Variants in GRIA2 observed in about 807,000 individuals in gnomAD.
GRIA2 encodes glutamate ionotropic receptor AMPA type subunit 2, also known as glutamate receptor 2.
GRIA2 carries 14 observed loss-of-function variants against 97.3 expected under a neutral mutation model. That is an observed-to-expected ratio of 0.14 (90% confidence interval 0.10 to 0.23). The LOEUF (loss-of-function observed/expected upper bound fraction) is 0.23. Among genes scored for constraint, GRIA2 ranks in the 10% least tolerant of loss-of-function variants. The probability of loss-of-function intolerance (pLI) is 1.00; values close to 1 mark genes in which losing one functional copy is unlikely to be tolerated. For missense variants in GRIA2, 558 were observed against 1,069.8 expected (o/e 0.52, Z 6.67); for synonymous variants, 412 against 387.8 (o/e 1.06, Z -0.73).
intron 3 of GRIA2, among the ~76,000 whole-genome samples, chr4:157,309,006 A>G (rs1733957919): frequency 6.6e-6 from 1 of 152,184 alleles, no homozygotes; most frequent in African/African-American, 2.4e-5. Context: ...AGTTACTATT[A>G]CTGAAAAAAA....
intron 2 of GRIA2, chr4:157,249,641 ATAG>A (rs773333398): frequency 2.0e-5 from 3 of 152,152 alleles, no homozygotes; most frequent in Non-Finnish European, 4.4e-5. Context: ...TCACTGAATG[ATAG>A]TAGTCTCGTT....
intron 8 of GRIA2, 119 bp downstream of exon 8, chr4:157,333,472 G>C: frequency 2.2e-6 from 1 of 455,642 alleles, no homozygotes. Context: ...ACGACTTCCA[G>C]AAACAGATAT....
intron 2 of GRIA2, among the ~76,000 whole-genome samples, chr4:157,269,411 G>C (rs2126786400): frequency 6.6e-6 from 1 of 152,154 alleles, no homozygotes; most frequent in South Asian, 2.1e-4. Context: ...GAGTGTTAGA[G>C]CTTAATAAAA....
intron 2 of GRIA2, among the ~76,000 whole-genome samples, chr4:157,301,135 C>T (rs1199371093): frequency 6.6e-6 from 1 of 152,126 alleles, no homozygotes; most frequent in Non-Finnish European, 1.5e-5. Context: ...AATTTTATAG[C>T]AAGTCTTTCT....
chr4:157,349,166 A>G (rs188246284), intron 12 of GRIA2, among the ~76,000 whole-genome samples: 1 of 152,270 alleles, frequency 6.6e-6, no homozygotes, highest in Admixed American at 6.5e-5. Flanking sequence ...GCTTAGTAAT[A>G]TGATATTTGA....
chr4:157,351,049 A>C (rs894461682), intron 12 of GRIA2, among the ~76,000 whole-genome samples: 1 of 151,746 alleles, frequency 6.6e-6, no homozygotes, highest in African/African-American at 2.4e-5. Context: ...CTTCATCCAA[A>C]TTGTTGACTG....
At position 157,300,555 on chromosome 4, in the gene GRIA2, C is replaced by A. The variant is rs1057360657; in HGVS notation, c.230-2997C>A. On this transcript the variant is annotated intron_variant, in intron 2 of 15. Transcript: ENST00000264426. ...GCACTGTTGGCCGAATGGCTGTTAA[C>A]TGTATGCATAGTCAGGGGACATAAG... 2.6e-5 allele frequency among the ~76,000 whole-genome samples: 4 copies of A among 151,898 alleles called. No homozygotes were observed. The East Asian group carries it at 7.7e-4, about 29-fold the overall frequency.
chr4:157,338,744 T>C (rs1735416273), intron 11 of GRIA2, among the ~76,000 whole-genome samples: 1 of 152,106 alleles, frequency 6.6e-6, no homozygotes, highest in African/African-American at 2.4e-5. Flanking sequence ...ATTTATTTTA[T>C]TAAAACATTT....
At chr4:157,343,057 G>A (rs534940541) in intron 12 of GRIA2, among the ~76,000 whole-genome samples, 2 of 152,186 alleles carry the variant, frequency 1.3e-5, no homozygotes, top group South Asian at 2.1e-4. Context: ...AAGAAAGCTA[G>A]TTGAGTTTGG....
At chr4:157,292,876 C>T (rs756556414) in intron 2 of GRIA2, among the ~76,000 whole-genome samples, 2 of 151,910 alleles carry the variant, frequency 1.3e-5, no homozygotes, top group Admixed American at 1.3e-4. Flanking sequence ...TTTTTAATGT[C>T]TAAAATATGG....
chr4:157,264,132 G>A (rs1018351103), intron 2 of GRIA2, among the ~76,000 whole-genome samples: 2 of 152,056 alleles, frequency 1.3e-5, no homozygotes, highest in Non-Finnish European at 2.9e-5. Context: ...AGGTTTATAA[G>A]TTCACCACAT....
chr4:157,275,275 G>T (rs1168826838), intron 2 of GRIA2, among the ~76,000 whole-genome samples: 1 of 152,148 alleles, frequency 6.6e-6, no homozygotes, highest in Admixed American at 6.5e-5. Context: ...TTAGCCCTTT[G>T]TCAGATGAGT....
intron 2 of GRIA2, among the ~76,000 whole-genome samples, chr4:157,235,284 G>A (rs2126703036): frequency 6.6e-6 from 1 of 152,060 alleles, no homozygotes; most frequent in African/African-American, 2.4e-5. Context: ...TACCTGCTCT[G>A]TACCAATCTG....
intron 12 of GRIA2, 145 bp downstream of exon 12, chr4:157,341,607 G>A: frequency 1.6e-6 from 1 of 625,834 alleles, no homozygotes; most frequent in Non-Finnish European, 2.8e-6. Context: ...CTCTGTTTCT[G>A]ACCCTTCCCT....
chr4:157,362,395 G>A (rs759998561), intron 14 of GRIA2: 126 of 457,704 alleles, frequency 2.8e-4, no homozygotes, highest in South Asian at 6.2e-4. Flanking sequence ...ACAATCACAC[G>A]TATGGTTTAT....
intron 12 of GRIA2, among the ~76,000 whole-genome samples, chr4:157,355,996 TA>T (rs1205342832): frequency 9.6e-6 from 1 of 104,528 alleles, no homozygotes; most frequent in East Asian, 2.5e-4. Flanking sequence ...TATTTATATA[TA>T]TTTATATATG....
chr4:157,336,353 T>G (rs1444682794), intron 10 of GRIA2, 24 bp from the exon 11 acceptor site: 1 of 1,513,356 alleles, frequency 6.6e-7, no homozygotes, highest in Admixed American at 2.2e-5. Context: ...CAGGTACTAT[T>G]ACTTTCCTTT....
intron 3 of GRIA2, among the ~76,000 whole-genome samples, chr4:157,306,496 A>C (rs982636262): frequency 2.0e-5 from 3 of 152,194 alleles, no homozygotes; most frequent in Admixed American, 1.3e-4. Flanking sequence ...AAAATGTTAG[A>C]GTGATAATAT....
intron 2 of GRIA2, among the ~76,000 whole-genome samples, chr4:157,289,742 A>G (rs997624939): frequency 6.6e-6 from 1 of 151,932 alleles, no homozygotes; most frequent in Non-Finnish European, 1.5e-5. Flanking sequence ...ATGCAAGCAC[A>G]CAGACACACA....
Sources: gnomAD v4.1 joint callset for allele counts (sites outside exome capture counted in the v4.1 genomes callset) on GRCh38, gnomAD v4.1.1 for gene constraint, MANE v1.5 for transcripts, NCBI Gene and HGNC (gene_info 2026-07-23, HGNC 2026-07-21) for gene names.